TMEM132D: variants seen among roughly 807,000 people sequenced by gnomAD.
The protein encoded by TMEM132D is mature OL transmembrane protein.
In TMEM132D, 21 loss-of-function variants were observed where a neutral mutation model predicts 62.3. The ratio of observed to expected loss-of-function variants is 0.34; its 90% confidence interval spans 0.24 to 0.49. TMEM132D has a LOEUF of 0.49. Among genes scored for constraint, TMEM132D ranks in the 20% least tolerant of loss-of-function variants. TMEM132D has a pLI of 0.99. For missense variants in TMEM132D, 1,346 were observed against 1,402.8 expected (o/e 0.96, Z 0.65); for synonymous variants, 621 against 575.6 (o/e 1.08, Z -1.13).
At chr12:129,645,770 G>A (rs207473535) in intron 2 of TMEM132D, among the ~76,000 whole-genome samples, 50 of 152,254 alleles carry the variant, frequency 3.3e-4, no homozygotes, top group African/African-American at 1.2e-3. Flanking sequence ...AGATGGTGAC[G>A]GAGTGACCTC....
At chr12:129,473,026 G>A (rs954657179) in intron 3 of TMEM132D, among the ~76,000 whole-genome samples, 11 of 151,932 alleles carry the variant, frequency 7.2e-5, no homozygotes, top group South Asian at 4.1e-4. Flanking sequence ...CACCACGCCC[G>A]GCTAATTTTT....
chr12:129,460,012 A>C (rs1873607891), intron 3 of TMEM132D, among the ~76,000 whole-genome samples: 1 of 152,206 alleles, frequency 6.6e-6, no homozygotes, highest in African/African-American at 2.4e-5. Context: ...AGTGTGTATA[A>C]AGTATACTAT....
At chr12:129,268,187 A>G (rs181292739) in intron 4 of TMEM132D, among the ~76,000 whole-genome samples, 10,693 of 152,300 alleles carry the variant, frequency 0.07, 558 homozygotes, top group Admixed American at 0.17. Context: ...GACAAATGGG[A>G]TCTAATTAAA....
At position 129,877,539 on chromosome 12, in the gene TMEM132D, A is replaced by G. The variant is rs530788046; in HGVS notation, c.79+25722T>C. Among the ~76,000 whole-genome samples, 88 of 152,284 alleles carry G rather than the reference A, an allele frequency of 5.8e-4. 1 individual carries two copies. In the South Asian group the frequency reaches 0.018, roughly 31 times the overall value. On this transcript the variant is annotated intron_variant, in intron 1 of 8. Coordinates refer to ENST00000422113, the MANE Select transcript of TMEM132D (RefSeq NM_133448.3). ...TCCCACAGTCAGCCTGCAAACAGAC[A>G]TGGGTCAGAACAGCAGGGACAGCAA...
Position 129,718,948 on chromosome 12 carries a change from A to G in TMEM132D, c.80-18250T>C, listed in dbSNP as rs191607740. Among the ~76,000 whole-genome samples, 270 of 152,202 alleles carry G rather than the reference A, an allele frequency of 1.8e-3. 2 individuals carry two copies. The highest frequency in any genetic ancestry group is 6.4e-3 in the African/African-American group (265 of 41,522). On this transcript the variant is annotated intron_variant, in intron 1 of 8. Transcript: ENST00000422113. Reference sequence around the variant, plus strand: ...GATCATCTATCTTAATAAGAAAGCCACCCATGGGCGGGGTATGGTGGCTCA... The same window carrying G: ...GATCATCTATCTTAATAAGAAAGCCGCCCATGGGCGGGGTATGGTGGCTCA...
chr12:129,218,410 T>C (rs944764589), intron 4 of TMEM132D, among the ~76,000 whole-genome samples: 2 of 152,202 alleles, frequency 1.3e-5, no homozygotes, highest in Non-Finnish European at 2.9e-5. Flanking sequence ...CCATACGGCA[T>C]AGCCTATTGT....
At chr12:129,618,639 A>G (rs561534899) in intron 2 of TMEM132D, among the ~76,000 whole-genome samples, 1 of 152,356 alleles carries the variant, frequency 6.6e-6, no homozygotes, top group East Asian at 1.9e-4. Context: ...CAGCCTTCTG[A>G]TAAAGTCACT....
At chr12:129,404,842 G>A (rs1210913946) in intron 3 of TMEM132D, among the ~76,000 whole-genome samples, 2 of 152,108 alleles carry the variant, frequency 1.3e-5, no homozygotes, top group Non-Finnish European at 1.5e-5. Context: ...CAACACTAGG[G>A]ATCACATTTC....
chr12:129,702,892 C>T (rs1881416322), intron 1 of TMEM132D, among the ~76,000 whole-genome samples: 2 of 152,184 alleles, frequency 1.3e-5, no homozygotes, highest in Non-Finnish European at 2.9e-5. Context: ...TATTCACTGT[C>T]CTCTTGGCTT....
At chr12:129,197,013 C>A (rs1878567736) in intron 5 of TMEM132D, among the ~76,000 whole-genome samples, 1 of 152,094 alleles carries the variant, frequency 6.6e-6, no homozygotes, top group Admixed American at 6.5e-5. Context: ...AGTCCATGAG[C>A]AGAGATTGGC....
At chr12:129,099,052 T>C (rs1875204788) in intron 5 of TMEM132D, among the ~76,000 whole-genome samples, 1 of 152,194 alleles carries the variant, frequency 6.6e-6, no homozygotes, top group Non-Finnish European at 1.5e-5. Context: ...AAGATGGAAA[T>C]CTGTCAACAC....
chr12:129,603,420 T>C (rs1878534338), intron 2 of TMEM132D, among the ~76,000 whole-genome samples: 1 of 152,222 alleles, frequency 6.6e-6, no homozygotes, highest in Non-Finnish European at 1.5e-5. Context: ...CTAATGGCCT[T>C]CTTTCCCTTG....
intron 1 of TMEM132D, among the ~76,000 whole-genome samples, chr12:129,880,566 G>T (rs1483150811): frequency 6.6e-6 from 1 of 152,070 alleles, no homozygotes; most frequent in Non-Finnish European, 1.5e-5. Context: ...TAAAATAAAT[G>T]GCATCAGTAA....
chr12:129,305,393 T>A (rs1881825046), intron 4 of TMEM132D, among the ~76,000 whole-genome samples: 1 of 152,182 alleles, frequency 6.6e-6, no homozygotes, highest in Admixed American at 6.5e-5. Context: ...TAAGTGCCAC[T>A]GCCTGTCCTG....
chr12:129,351,822 A>G (rs1231518890), intron 3 of TMEM132D, among the ~76,000 whole-genome samples: 1 of 152,184 alleles, frequency 6.6e-6, no homozygotes, highest in African/African-American at 2.4e-5. Flanking sequence ...AATCTCCCAG[A>G]TATCACCTTT....
intron 3 of TMEM132D, among the ~76,000 whole-genome samples, chr12:129,516,484 G>A (rs546961983): frequency 4.1e-4 from 63 of 152,280 alleles, no homozygotes; most frequent in East Asian, 7.7e-4. Flanking sequence ...CTTACATGGT[G>A]GCAGACAGGA....
intron 1 of TMEM132D, among the ~76,000 whole-genome samples, chr12:129,896,822 T>G (rs1875154519): frequency 6.6e-6 from 1 of 152,200 alleles, no homozygotes; most frequent in African/African-American, 2.4e-5. Flanking sequence ...ATACTTTACT[T>G]ACTTCTTAAG....
intron 1 of TMEM132D, among the ~76,000 whole-genome samples, chr12:129,726,519 T>C (rs1565963641): frequency 6.6e-6 from 1 of 152,054 alleles, no homozygotes; most frequent in Non-Finnish European, 1.5e-5. Context: ...GTCAGAGACA[T>C]GGTCATGGGC....
At chr12:129,394,113 G>A (rs980664605) in intron 3 of TMEM132D, among the ~76,000 whole-genome samples, 1 of 152,180 alleles carries the variant, frequency 6.6e-6, no homozygotes, top group Non-Finnish European at 1.5e-5. Context: ...GGCACGGCAC[G>A]TTTTTCAGCA....
Sources: gnomAD v4.1 joint callset for allele counts (sites outside exome capture counted in the v4.1 genomes callset) on GRCh38, gnomAD v4.1.1 for gene constraint, MANE v1.5 for transcripts, NCBI Gene and HGNC (gene_info 2026-07-23, HGNC 2026-07-21) for gene names.